The following DLG1 variants were observed in gnomAD, a reference collection of about 807,000 sequenced individuals.
DLG1 encodes the protein discs large MAGUK scaffold protein 1, also known as disks large homolog 1.
A neutral mutation model predicts 123.4 loss-of-function variants in DLG1; 42 were observed. The ratio of observed to expected loss-of-function variants is 0.34; its 90% CI spans 0.27 to 0.44. DLG1 has a LOEUF of 0.44. DLG1 is among the 20% of genes least tolerant of loss of function. The probability of loss-of-function intolerance (pLI) is 1.00; values close to 1 mark genes in which losing one functional copy is unlikely to be tolerated. For synonymous variants in DLG1, 317 were observed against 356.2 expected (o/e 0.89, Z 1.24); for missense variants, 942 against 1,082.6 (o/e 0.87, Z 1.82).
intron 5 of DLG1, among the ~76,000 whole-genome samples, chr3:197,170,251 T>G (rs1418390379): frequency 3.3e-5 from 5 of 152,172 alleles, no homozygotes; most frequent in Non-Finnish European, 4.4e-5. Flanking sequence ...ACAGAACAAT[T>G]TATATTCCTT....
At chr3:197,226,027 G>A (rs1739709233) in intron 4 of DLG1, 1 of 147,020 alleles carries the variant, frequency 6.8e-6, no homozygotes, top group East Asian at 1.9e-4. Flanking sequence ...TGTGCATGTT[G>A]TTTGCTGACT....
chr3:197,075,602 T>C (rs1011361750), intron 18 of DLG1, among the ~76,000 whole-genome samples: 1 of 151,984 alleles, frequency 6.6e-6, no homozygotes, highest in African/African-American at 2.4e-5. Context: ...AAAAGGAAAA[T>C]ATAGTTACGA....
intron 4 of DLG1, among the ~76,000 whole-genome samples, chr3:197,210,268 A>T (rs1485581150): frequency 6.9e-6 from 1 of 145,224 alleles, no homozygotes; most frequent in Non-Finnish European, 1.5e-5. Flanking sequence ...AGACTAAGTA[A>T]AGTAAACCTG....
intron 4 of DLG1, among the ~76,000 whole-genome samples, chr3:197,282,221 C>A (rs1769723619): frequency 6.6e-6 from 1 of 152,178 alleles, no homozygotes; most frequent in South Asian, 2.1e-4. Flanking sequence ...CAGGTTTACT[C>A]TTCAGTCTCT....
intron 14 of DLG1, among the ~76,000 whole-genome samples, chr3:197,092,881 T>C (rs1048882315): frequency 1.3e-5 from 2 of 152,190 alleles, no homozygotes; most frequent in Non-Finnish European, 1.5e-5. Flanking sequence ...TTAGATTCAT[T>C]TGTACTTTAT....
intron 5 of DLG1, among the ~76,000 whole-genome samples, chr3:197,164,028 C>T (rs981514977): frequency 2.0e-5 from 3 of 152,176 alleles, no homozygotes; most frequent in African/African-American, 7.2e-5. Flanking sequence ...TCTCACACTG[C>T]TGTTGGATAT....
chr3:197,051,514 C>T lies in DLG1; in HGVS notation c.2575+63G>A, dbSNP rs1004122311. 27 of 1,279,444 alleles carry T rather than the reference C, an allele frequency of 2.1e-5. 1 individual carries two copies. Among genetic ancestry groups the T allele is most frequent in the African/African-American group, 1.2e-4 (8 of 68,002 alleles). 79.3% of individuals were successfully genotyped at this position (1,279,444 alleles called of 1,614,324 possible). On this transcript the variant is annotated intron_variant, in intron 24 of 24. Coordinates refer to ENST00000667157, the MANE Select transcript of DLG1 (RefSeq NM_001366207.1). ...TAGTTCAAAATCCACCTGAACGGGTCGGTTCACATGGCTTCAAAGCAAAAT... is the reference window on the plus strand; with the variant it reads ...TAGTTCAAAATCCACCTGAACGGGTTGGTTCACATGGCTTCAAAGCAAAAT...
intron 22 of DLG1, among the ~76,000 whole-genome samples, chr3:197,063,211 C>G (rs1578357808): frequency 6.7e-6 from 1 of 150,026 alleles, no homozygotes; most frequent in Non-Finnish European, 1.5e-5. Flanking sequence ...AAAAGAAATA[C>G]AGTCAGGTTT....
chr3:197,074,783 C>A (rs1267540035), intron 18 of DLG1, among the ~76,000 whole-genome samples: 1 of 151,934 alleles, frequency 6.6e-6, no homozygotes, highest in Non-Finnish European at 1.5e-5. Flanking sequence ...AAACTTAAAT[C>A]ACTATGGTTG....
Position 197,146,310 on chromosome 3 carries a change from T to C in DLG1, c.537+3433A>G, listed in dbSNP as rs541595681. 1.1e-4 allele frequency among the ~76,000 whole-genome samples: 17 copies of C among 152,206 alleles called. No homozygotes were observed. In the East Asian group the frequency reaches 3.3e-3, roughly 29 times the overall value. On this transcript the variant is annotated intron_variant, in intron 6 of 24. Coordinates refer to ENST00000667157, the MANE Select transcript of DLG1 (RefSeq NM_001366207.1). Reference sequence around the variant, plus strand: ...AGAACTAGAGAAAACATTCCTAAAATTCATATGGAACCAAAAAAGAGCCTC... The same window carrying C: ...AGAACTAGAGAAAACATTCCTAAAACTCATATGGAACCAAAAAAGAGCCTC...
intron 4 of DLG1, 124 bp from the exon 5 acceptor site, chr3:197,194,713 A>G (rs1721480189): frequency 1.9e-6 from 1 of 534,912 alleles, no homozygotes; most frequent in Non-Finnish European, 3.1e-6. Context: ...ATGGTTTAAT[A>G]CATCAGATCT....
At chr3:197,097,458 C>G (rs1761214400) in intron 14 of DLG1, among the ~76,000 whole-genome samples, 1 of 151,280 alleles carries the variant, frequency 6.6e-6, no homozygotes, top group Non-Finnish European at 1.5e-5. Flanking sequence ...TATCTTTCAT[C>G]TTTTTGTCTA....
chr3:197,064,491 C>A (rs1738185134), intron 22 of DLG1, among the ~76,000 whole-genome samples: 1 of 152,208 alleles, frequency 6.6e-6, no homozygotes, highest in Non-Finnish European at 1.5e-5. Flanking sequence ...CCGCACCCGG[C>A]CTTTACATTT....
At chr3:197,139,258 G>A (rs560079296) in intron 8 of DLG1, among the ~76,000 whole-genome samples, 66 of 152,126 alleles carry the variant, frequency 4.3e-4, no homozygotes, top group African/African-American at 1.6e-3. Context: ...TATTAAAACT[G>A]GTCCTGACAA....
chr3:197,181,016 C>T (rs1809993628), intron 5 of DLG1, among the ~76,000 whole-genome samples: 1 of 152,188 alleles, frequency 6.6e-6, no homozygotes, highest in South Asian at 2.1e-4. Context: ...ATTCAAAAAA[C>T]ATTAATGACT....
rs868354110 is a variant in DLG1, at chr3:197,285,090, T to A, written c.152-2245A>T. Among the ~76,000 whole-genome samples the A allele has an allele frequency of 4.0e-5, 6 of 151,364 alleles. No homozygotes were observed. In the South Asian group the frequency reaches 1.2e-3, roughly 31 times the overall value. On this transcript the variant is annotated intron_variant, in intron 3 of 24. Coordinates refer to ENST00000667157, the MANE Select transcript of DLG1 (RefSeq NM_001366207.1). ...CACACATTTCAGAAGCCTTCAAATA[T>A]ATAATTTTCTTTTACATAAAAATTT...
intron 4 of DLG1, among the ~76,000 whole-genome samples, chr3:197,268,555 G>A (rs1762627415): frequency 1.3e-5 from 2 of 151,852 alleles, no homozygotes; most frequent in African/African-American, 2.4e-5. Flanking sequence ...ACGTAGCTGG[G>A]ACTACAGGCA....
intron 14 of DLG1, among the ~76,000 whole-genome samples, chr3:197,099,370 GGAA>G (rs1279101292): frequency 6.6e-6 from 1 of 152,068 alleles, no homozygotes; most frequent in Non-Finnish European, 1.5e-5. Context: ...TTATTTTGAC[GGAA>G]GAGTTTCATC....
At chr3:197,261,698 T>C (rs1185085184) in intron 4 of DLG1, among the ~76,000 whole-genome samples, 1 of 152,136 alleles carries the variant, frequency 6.6e-6, no homozygotes, top group East Asian at 1.9e-4. Context: ...TGAAAAGGAG[T>C]TAATACATAG....
Sources: allele counts gnomAD v4.1 joint callset (sites outside exome capture counted in the v4.1 genomes callset), GRCh38; gene constraint gnomAD v4.1.1; transcripts MANE v1.5; gene names NCBI Gene and HGNC (gene_info 2026-07-23, HGNC 2026-07-21).